Variants in GSG1L observed in about 807,000 individuals in gnomAD.
GSG1L encodes the protein germ cell-specific gene 1-like protein.
Under a neutral mutation model 42.1 loss-of-function variants are expected in GSG1L, and 24 were observed. That is an observed-to-expected ratio of 0.57 (90% CI 0.41 to 0.80). The LOEUF (loss-of-function observed/expected upper bound fraction) is 0.80. Ranked by LOEUF, GSG1L falls within the 30% of genes least tolerant of loss-of-function variation. The probability of loss-of-function intolerance (pLI) is 0.00; values close to 1 mark genes in which losing one functional copy is unlikely to be tolerated. For synonymous variants in GSG1L, 215 were observed against 203.5 expected (o/e 1.06, Z -0.48); for missense variants, 445 against 472.2 (o/e 0.94, Z 0.53).
At chr16:27,798,210 C>T (rs2082842879) in intron 6 of GSG1L, among the ~76,000 whole-genome samples, 1 of 152,070 alleles carries the variant, frequency 6.6e-6, no homozygotes. Context: ...AAAGATTGGG[C>T]TCATAGACAT....
intron 5 of GSG1L, among the ~76,000 whole-genome samples, chr16:27,817,316 C>T (rs2083106673): frequency 6.6e-6 from 1 of 152,218 alleles, no homozygotes; most frequent in African/African-American, 2.4e-5. Context: ...CCGCCATGTT[C>T]TCCACCCTAT....
chr16:27,798,562 G>T (rs1237259026), intron 6 of GSG1L, among the ~76,000 whole-genome samples: 1 of 152,142 alleles, frequency 6.6e-6, no homozygotes, highest in African/African-American at 2.4e-5. Context: ...GGGATGAAGG[G>T]GTAAGGCATG....
chr16:28,062,048 C>A (rs1291377955), intron 1 of GSG1L, among the ~76,000 whole-genome samples: 1 of 152,180 alleles, frequency 6.6e-6, no homozygotes, highest in Non-Finnish European at 1.5e-5. Context: ...TGTGTGGTGT[C>A]CACACTGAGG....
intron 6 of GSG1L, among the ~76,000 whole-genome samples, chr16:27,803,615 C>T (rs776465649): frequency 6.6e-6 from 1 of 152,052 alleles, no homozygotes; most frequent in Non-Finnish European, 1.5e-5. Flanking sequence ...GAGCTACCCA[C>T]TTTTATCTCC....
Position 28,063,458 on chromosome 16 carries a change from CG to C in GSG1L, c.-35del. On this transcript the variant is annotated 5_prime_UTR_variant, in exon 1 of 7. Transcript: ENST00000447459. This position sits in a 1 kb window ranked among gnomAD's most constrained non-coding sequence, Gnocchi z 5.8. The stretch of plus-strand genomic sequence containing the variant: ...CGCCGCCGGGACGGGACTGCACCGC[CG>C]GGGAGCTCCGCGCGCGAAGTTGGCA... 2.7e-5 allele frequency: 31 copies of C among 1,142,928 alleles called. No homozygotes were observed. Among genetic ancestry groups the C allele is most frequent in the Non-Finnish European group, 3.2e-5 (30 of 929,740 alleles). 70.8% of individuals were successfully genotyped at this position (1,142,928 alleles called of 1,614,324 possible).
At position 27,965,916 on chromosome 16, in the gene GSG1L, C is replaced by T. The variant is rs76730525; in HGVS notation, c.350-2713G>A. Among the ~76,000 whole-genome samples, 826 of 152,324 alleles carry T rather than the reference C, an allele frequency of 5.4e-3. 5 individuals are homozygous for T. Among genetic ancestry groups the T allele is most frequent in the African/African-American group, 0.019 (786 of 41,574 alleles). ...CACCCCAAGTCAGAGCCTAAGTCCT[C>T]GCTGTGGCCTGCAAGACCCTCTGTG... On this transcript the variant is annotated intron_variant, in intron 1 of 6. Transcript: ENST00000447459.
rs189795336 is a variant in GSG1L, at chr16:27,901,000, C to T, written c.398-16362G>A. Among the ~76,000 whole-genome samples the T allele has an allele frequency of 6.9e-3, 1,053 of 152,178 alleles. 14 individuals carry two copies. Among genetic ancestry groups the T allele is most frequent in the African/African-American group, 0.024 (994 of 41,536 alleles). On this transcript the variant is annotated intron_variant, in intron 2 of 6. Coordinates refer to ENST00000447459, the MANE Select transcript of GSG1L (RefSeq NM_001109763.2). ...AAATTTAGCCAGGTGTGGTGGCATG[C>T]TCCTGTAATCCCAGCTACTCAGGTG...
At chr16:27,856,161 C>T (rs370702006) in intron 3 of GSG1L, among the ~76,000 whole-genome samples, 76 of 152,070 alleles carry the variant, frequency 5.0e-4, no homozygotes, top group Non-Finnish European at 2.9e-4. Context: ...ATGTGCACCC[C>T]CCCCCATCCC....
At chr16:28,033,162 G>T (rs1567563104) in intron 1 of GSG1L, among the ~76,000 whole-genome samples, 1 of 151,970 alleles carries the variant, frequency 6.6e-6, no homozygotes, top group Non-Finnish European at 1.5e-5. Context: ...CCTACCCCAG[G>T]GCCTTTGCAC....
chr16:27,963,073 C>G (rs1399425792), intron 2 of GSG1L, 83 bp downstream of exon 2: 18 of 1,187,444 alleles, frequency 1.5e-5, no homozygotes. Flanking sequence ...GATGCTATCA[C>G]AGGGCTTTGG....
At chr16:27,850,657 G>C (rs1344124485) in intron 3 of GSG1L, 1 of 449,112 alleles carries the variant, frequency 2.2e-6, no homozygotes, top group South Asian at 1.6e-5. Context: ...GAGGGTAAAT[G>C]ATAGAGAAAG....
At chr16:27,795,054 C>T (rs1321658698) in intron 6 of GSG1L, among the ~76,000 whole-genome samples, 3 of 152,252 alleles carry the variant, frequency 2.0e-5, no homozygotes, top group Non-Finnish European at 4.4e-5. Flanking sequence ...GCCAGGTCAG[C>T]ATGGGTCTCC....
At chr16:27,901,253 G>A (rs1596598506) in intron 2 of GSG1L, among the ~76,000 whole-genome samples, 1 of 152,204 alleles carries the variant, frequency 6.6e-6, no homozygotes, top group Non-Finnish European at 1.5e-5. Context: ...CAGGGAAGCC[G>A]TATTTCAAGA....
chr16:27,790,798 G>C lies in GSG1L; in HGVS notation c.*572C>G, dbSNP rs548479014. The C allele has an allele frequency of 6.2e-4, 94 of 152,776 alleles. No individual in the cohort carries two copies. The highest frequency in any genetic ancestry group is 9.5e-4 in the Non-Finnish European group (65 of 68,352). 9.5% of individuals were successfully genotyped at this position (152,776 alleles called of 1,614,324 possible). A position where few individuals can be genotyped will look rare whatever the true frequency, so the allele number is the denominator to read the frequency against. On this transcript the variant is annotated 3_prime_UTR_variant, in exon 7 of 7. Transcript: ENST00000447459. ...TGGCCCTGGCCTCTGCACAGTCTCT[G>C]CTGTCACCTTCAGCCTCCTTGAGGA... is the stretch of plus-strand genomic sequence containing the variant.
intron 2 of GSG1L, among the ~76,000 whole-genome samples, chr16:27,940,801 G>A (rs370754556): frequency 1.5e-4 from 23 of 150,656 alleles, no homozygotes; most frequent in Non-Finnish European, 2.8e-4. Context: ...CATGTATGCA[G>A]ATGTAACTAA....
chr16:27,807,513 T>C lies in GSG1L; in HGVS notation c.872A>G (p.Asp291Gly). The C allele has an allele frequency of 6.2e-7, 1 of 1,612,892 alleles. No individual in the cohort carries two copies. The highest frequency in any genetic ancestry group is 8.5e-7 in the Non-Finnish European group (1 of 1,179,906). Residue 291 changes from aspartate (D) to glycine (G), a missense_variant, in exon 6 of 7, where the codon GAC (aspartate) becomes GGC (glycine). Asp to Gly is a moderately conservative substitution (Grantham distance 94). This residue lies in a region of GSG1L where 140 missense variants were observed against 120.6 expected (regional missense o/e 1.16). Transcript: ENST00000447459. The stretch of plus-strand genomic sequence containing the variant: ...GGCAGGGTATCTCTCGTGGCGGCAG[T>C]CTAAGTGAAAGTCCTCCTCGCTCCC... ...RDGSEEDFHL[D>G]CRHERYPARH...
chr16:27,936,550 CA>C (rs1266339190), intron 2 of GSG1L, among the ~76,000 whole-genome samples: 9 of 152,168 alleles, frequency 5.9e-5, no homozygotes, highest in Admixed American at 2.0e-4. Context: ...AGGCCCTCAC[CA>C]GAAGCAGATG....
intron 2 of GSG1L, among the ~76,000 whole-genome samples, chr16:27,953,969 G>T (rs141080289): frequency 6.6e-6 from 1 of 152,196 alleles, no homozygotes; most frequent in Admixed American, 6.5e-5. Context: ...ATGACCTTCT[G>T]GTTCCTGGCT....
chr16:27,827,533 G>A (rs772973), intron 5 of GSG1L, among the ~76,000 whole-genome samples: 39,934 of 151,924 alleles, frequency 0.26, 5,672 homozygotes, highest in Admixed American at 0.4. Flanking sequence ...CTGGCCCATA[G>A]GAGCAGTTCT....
Sources: allele counts gnomAD v4.1 joint callset (sites outside exome capture counted in the v4.1 genomes callset), GRCh38; gene constraint gnomAD v4.1.1; regional missense constraint gnomAD v4.1.1; non-coding constraint Gnocchi (gnomAD v3.1); transcripts MANE v1.5; gene names NCBI Gene and HGNC (gene_info 2026-07-23, HGNC 2026-07-21).